The following CTNNA2 variants were observed in gnomAD, a reference collection of about 807,000 sequenced individuals.
CTNNA2 encodes catenin alpha 2.
Under a neutral mutation model 101.0 loss-of-function variants are expected in CTNNA2, and 42 were observed. The ratio of observed to expected loss-of-function variants is 0.42; its 90% confidence interval spans 0.32 to 0.54. The LOEUF (loss-of-function observed/expected upper bound fraction) is 0.54, where lower values mean the gene tolerates loss of function less well. Ranked by LOEUF, CTNNA2 falls within the 20% of genes least tolerant of loss-of-function variation. The pLI, the probability that CTNNA2 is intolerant of heterozygous loss-of-function variation, is 0.14. For synonymous variants in CTNNA2, 450 were observed against 456.4 expected, an observed-to-expected ratio of 0.99 and a Z score of 0.18; for missense variants, 871 against 1,223.1, an observed-to-expected ratio of 0.71 and a Z score of 4.29.
chr2:79,523,507 T>C (rs552366855), intron 1 of CTNNA2, among the ~76,000 whole-genome samples: 32 of 152,310 alleles, frequency 2.1e-4, no homozygotes, highest in African/African-American at 7.0e-4. Context: ...CTTATTTCCA[T>C]GTACATTCAG....
intron 4 of CTNNA2, among the ~76,000 whole-genome samples, chr2:79,472,564 T>C (rs963618498): frequency 6.6e-6 from 1 of 152,234 alleles, no homozygotes; most frequent in Admixed American, 6.5e-5. Context: ...TAACAGCTTT[T>C]CTTCATTTCA....
chr2:80,563,504 A>T (rs1380536923), intron 12 of CTNNA2, among the ~76,000 whole-genome samples: 2 of 152,218 alleles, frequency 1.3e-5, no homozygotes, highest in African/African-American at 4.8e-5. Context: ...GAAGTACTGT[A>T]TATGGCCAGA....
At chr2:79,466,568 A>C (rs1670938708) in intron 4 of CTNNA2, among the ~76,000 whole-genome samples, 1 of 152,208 alleles carries the variant, frequency 6.6e-6, no homozygotes. Flanking sequence ...CTGAGAACGG[A>C]CAGACTGCCT....
rs1190661013 is a variant in CTNNA2 at position 79,779,833 on chromosome 2, C to A, written c.298+35251C>A. Among the ~76,000 whole-genome samples, 3 of 152,072 alleles carry A rather than the reference C, an allele frequency of 2.0e-5. No individual in the cohort carries two copies. In the East Asian group the frequency reaches 5.8e-4, roughly 29 times the overall value. On this transcript the variant is annotated intron_variant, in intron 3 of 18. Transcript: ENST00000402739. The stretch of plus-strand genomic sequence containing the variant: ...TAAGCCCCCCAGCCATCTGAATGGA[C>A]CCCTCTTCCTCCTGGTCCAGGGCAT...
intron 4 of CTNNA2, among the ~76,000 whole-genome samples, chr2:79,399,661 A>C (rs1573147339): frequency 6.6e-6 from 1 of 152,172 alleles, no homozygotes; most frequent in Admixed American, 6.6e-5. Flanking sequence ...TAATTTAAAA[A>C]TTACATCATT....
At chr2:80,039,329 C>T (rs1471237962) in intron 7 of CTNNA2, among the ~76,000 whole-genome samples, 1 of 152,122 alleles carries the variant, frequency 6.6e-6, no homozygotes, top group Non-Finnish European at 1.5e-5. Context: ...TGGACACAGG[C>T]TAGGCTAGAA....
chr2:80,422,025 T>C (rs1461305054), intron 9 of CTNNA2, among the ~76,000 whole-genome samples: 1 of 152,220 alleles, frequency 6.6e-6, no homozygotes, highest in Non-Finnish European at 1.5e-5. Flanking sequence ...TACATAGTCA[T>C]GTGCCTGCAA....
At chr2:80,609,536 C>G (rs188393597) in intron 17 of CTNNA2, among the ~76,000 whole-genome samples, 3 of 151,880 alleles carry the variant, frequency 2.0e-5, no homozygotes, top group African/African-American at 4.8e-5. Flanking sequence ...CAAGAGCAAT[C>G]TGTCTTGCAA....
intron 2 of CTNNA2, among the ~76,000 whole-genome samples, chr2:79,242,969 AATATATATATAT>A (rs137898899): frequency 1.6e-5 from 2 of 127,356 alleles, no homozygotes; most frequent in South Asian, 2.7e-4. Flanking sequence ...CCTGTCTCGA[AATATATATATAT>A]ATATATATAT....
intron 7 of CTNNA2, among the ~76,000 whole-genome samples, chr2:79,986,015 A>G (rs557779021): frequency 1.3e-5 from 2 of 152,286 alleles, no homozygotes; most frequent in South Asian, 4.1e-4. Flanking sequence ...CTCTGTTTTA[A>G]TATGTATTCT....
intron 9 of CTNNA2, among the ~76,000 whole-genome samples, chr2:80,472,677 A>G (rs1049311010): frequency 1.3e-5 from 2 of 152,140 alleles, no homozygotes; most frequent in Non-Finnish European, 2.9e-5. Context: ...AATGCCCAAG[A>G]AAAGACTGGG....
chr2:80,538,583 T>C (rs1691251481), intron 9 of CTNNA2, among the ~76,000 whole-genome samples: 1 of 152,230 alleles, frequency 6.6e-6, no homozygotes, highest in Non-Finnish European at 1.5e-5. Context: ...CATTGGTCTA[T>C]ATGTGTGTTT....
At chr2:79,589,313 A>G (rs1487093993) in intron 1 of CTNNA2, among the ~76,000 whole-genome samples, 4 of 152,208 alleles carry the variant, frequency 2.6e-5, no homozygotes, top group Non-Finnish European at 5.9e-5. Context: ...ATAGATGTCT[A>G]TAATTTTAGC....
intron 7 of CTNNA2, among the ~76,000 whole-genome samples, chr2:80,041,861 G>A (rs891661100): frequency 1.3e-5 from 2 of 152,176 alleles, no homozygotes; most frequent in South Asian, 2.1e-4. Flanking sequence ...CAGATCACAG[G>A]TAGCACATAG....
At chr2:79,478,072 C>T (rs975332095) in intron 4 of CTNNA2, among the ~76,000 whole-genome samples, 1 of 152,176 alleles carries the variant, frequency 6.6e-6, no homozygotes, top group African/African-American at 2.4e-5. Context: ...AGTTCCTCTC[C>T]TTCCTTCAAC....
intron 1 of CTNNA2, among the ~76,000 whole-genome samples, chr2:79,514,868 T>A (rs1226264129): frequency 6.6e-6 from 1 of 152,234 alleles, no homozygotes; most frequent in Non-Finnish European, 1.5e-5. Context: ...AGTAAGACAC[T>A]ATGCTGTGGA....
intron 2 of CTNNA2, among the ~76,000 whole-genome samples, chr2:79,289,228 A>G (rs1675719155): frequency 6.6e-6 from 1 of 152,190 alleles, no homozygotes; most frequent in South Asian, 2.1e-4. Context: ...TGAGGTGAAG[A>G]GGATGATATC....
In CTNNA2 at chr2:79,871,361, A is replaced by G. The variant is rs183219459; in HGVS notation, c.585+1426A>G. 9.9e-5 allele frequency among the ~76,000 whole-genome samples: 15 copies of G among 152,282 alleles called. No individual in the cohort carries two copies. The East Asian group carries it at 2.7e-3, about 27-fold the overall frequency. ...CAGCAGAATTCCTTGTTGAAAGGGA[A>G]TCTTGTATGGTAGCCCAATGTGTAA... On this transcript the variant is annotated intron_variant, in intron 5 of 18. Transcript: ENST00000402739.
At chr2:79,422,541 A>G (rs1445272104) in intron 4 of CTNNA2, among the ~76,000 whole-genome samples, 1 of 152,172 alleles carries the variant, frequency 6.6e-6, no homozygotes. Context: ...CCCTAGCCTT[A>G]GCTAGCACAG....
Sources: gnomAD v4.1 joint callset for allele counts (sites outside exome capture counted in the v4.1 genomes callset) on GRCh38, gnomAD v4.1.1 for gene constraint, MANE v1.5 for transcripts, NCBI Gene and HGNC (gene_info 2026-07-23, HGNC 2026-07-21) for gene names.